The following CLEC4F variants were observed in gnomAD, a reference collection of about 807,000 sequenced individuals.
CLEC4F encodes C-type lectin domain family 4 member F, also known as C-type (calcium dependent, carbohydrate-recognition domain) lectin, superfamily member 13.
Under a neutral mutation model 53.4 loss-of-function variants are expected in CLEC4F, and 45 were observed. The observed-to-expected ratio is 0.84, with a 90% CI of 0.66 to 1.08. CLEC4F has a LOEUF of 1.08. Among genes scored for constraint, CLEC4F ranks in the 50% least tolerant of loss-of-function variants. The probability of loss-of-function intolerance (pLI) is 0.00; values close to 1 mark genes in which losing one functional copy is unlikely to be tolerated. For missense variants in CLEC4F, 753 were observed against 698.2 expected, an observed-to-expected ratio of 1.08 and a Z score of -0.88; for synonymous variants, 245 against 257.5, an observed-to-expected ratio of 0.95 and a Z score of 0.46.
rs1677133433 is a variant in CLEC4F at position 70,819,830 on chromosome 2, G to C, written c.123C>G (p.Thr41=). 1.2e-6 allele frequency: 2 copies of C among 1,609,790 alleles called. No individual in the cohort carries two copies. Among genetic ancestry groups the C allele is most frequent in the East Asian group, 2.2e-5 (1 of 44,826 alleles). Reference sequence around the variant, plus strand: ...CCAAGGTCACAGCCATAAATGCCGGGGTAGCCTGAACGAGCCTCGGTATCT... The same window carrying C: ...CCAAGGTCACAGCCATAAATGCCGGCGTAGCCTGAACGAGCCTCGGTATCT... The part of the protein sequence containing the change: ...APKIPRLVQA[T]PAFMAVTLVF... The change falls in exon 2 of 7, where the codon ACC becomes ACG. Residue 41 remains threonine, a synonymous_variant. Transcript: ENST00000272367.
chr2:70,809,047 C>A lies in CLEC4F; in HGVS notation c.*224G>T. On this transcript the variant is annotated 3_prime_UTR_variant, in exon 7 of 7. Coordinates refer to ENST00000272367, the MANE Select transcript of CLEC4F (RefSeq NM_173535.3). ...GTCTTCAGTCTGCCCATTCTTGTGC[C>A]GCCAGTTGTCAGACTGATTCTTTTC... 6.6e-7 allele frequency: 1 copy of A among 1,517,946 alleles called. No homozygotes were observed. Among genetic ancestry groups the A allele is most frequent in the South Asian group, 1.2e-5 (1 of 83,308 alleles). 94.0% of individuals were successfully genotyped at this position (1,517,946 alleles called of 1,614,324 possible).
In CLEC4F at chr2:70,808,657, C is replaced by T. The variant is rs553068597; in HGVS notation, c.*614G>A. On this transcript the variant is annotated 3_prime_UTR_variant, in exon 7 of 7. Transcript: ENST00000272367. ...CAGCACGAAGCTTTTGTTGATCCAG[C>T]GAGTATTTATTGAGGACCTGCTGTC... The T allele has an allele frequency of 1.9e-4, 34 of 174,506 alleles. No homozygotes were observed. The highest frequency in any genetic ancestry group is 3.6e-4 in the Non-Finnish European group (29 of 81,492). The allele number at this position is 174,506 out of a possible 1,614,324, so 10.8% of individuals were successfully genotyped here.
At chr2:70,815,530 CG>C (rs1676844843) in intron 4 of CLEC4F, among the ~76,000 whole-genome samples, 1 of 152,178 alleles carries the variant, frequency 6.6e-6, no homozygotes, top group Non-Finnish European at 1.5e-5. Context: ...AATAAAGCAT[CG>C]GGTGAGGGCA....
In CLEC4F at chr2:70,819,355, T is replaced by C; in HGVS notation, c.268A>G (p.Asn90Asp). ...ITGHLPFEPN[N>D]HHHFGREAEM... Reference sequence around the variant, plus strand: ...CCCCACCCCCACTGTGGCTACTCACTGTTGGGTTCAAAAGGTAAATGCCCA... The same window carrying C: ...CCCCACCCCCACTGTGGCTACTCACCGTTGGGTTCAAAAGGTAAATGCCCA... Residue 90 changes from asparagine to aspartate, a missense_variant and splice_region_variant, in exon 3 of 7, where the codon AAT (asparagine) becomes GAT (aspartate). Coordinates refer to ENST00000272367, the MANE Select transcript of CLEC4F (RefSeq NM_173535.3). 1 of 1,613,592 alleles carries C rather than the reference T, an allele frequency of 6.2e-7. No individual in the cohort carries two copies. Among genetic ancestry groups the C allele is most frequent in the Non-Finnish European group, 8.5e-7 (1 of 1,179,528 alleles).
In CLEC4F at chr2:70,816,612, A is replaced by G. The variant is rs1676928970; in HGVS notation, c.769T>C (p.Leu257=). 1 of 1,614,026 alleles carries G rather than the reference A, an allele frequency of 6.2e-7. No homozygotes were observed. The highest frequency in any genetic ancestry group is 8.5e-7 in the Non-Finnish European group (1 of 1,180,020). The change falls in exon 4 of 7, where the codon TTG becomes CTG. Residue 257 remains leucine, a synonymous_variant. Coordinates refer to ENST00000272367, the MANE Select transcript of CLEC4F (RefSeq NM_173535.3). ...LKNANAEIYV[L]RGHLDSVNDL... ...TTGACACTATCTAGATGGCCTCTCA[A>G]AACATAGATCTCAGCATTAGCGTTC...
intron 4 of CLEC4F, among the ~76,000 whole-genome samples, chr2:70,813,501 T>G (rs1302976878): frequency 9.1e-6 from 1 of 110,056 alleles, no homozygotes; most frequent in Non-Finnish European, 1.9e-5. Flanking sequence ...TCTTTTTCTT[T>G]CTTTCTTTCT....
At chr2:70,813,543 C>CT (rs1229646398) in intron 4 of CLEC4F, among the ~76,000 whole-genome samples, 2 of 147,634 alleles carry the variant, frequency 1.4e-5, no homozygotes, top group East Asian at 3.9e-4. Flanking sequence ...TTCTTTTTTT[C>CT]TTTCTTTCTT....
chr2:70,820,890 C>A (rs1021609302), upstream of CLEC4F, among the ~76,000 whole-genome samples: 37 of 152,180 alleles, frequency 2.4e-4, no homozygotes, highest in Admixed American at 2.4e-3. Context: ...CAGAAAACAT[C>A]CTTATGACTA....
intron 2 of CLEC4F, 102 bp downstream of exon 2, chr2:70,819,673 T>C (rs1246471210): frequency 2.2e-6 from 2 of 904,380 alleles, no homozygotes; most frequent in Non-Finnish European, 3.5e-6. Flanking sequence ...GAATGATCTT[T>C]CTGGGAGCAG....
intron 4 of CLEC4F, among the ~76,000 whole-genome samples, chr2:70,813,599 C>CTTTT (rs1676713805): frequency 1.9e-5 from 2 of 104,978 alleles, no homozygotes; most frequent in Non-Finnish European, 1.9e-5. Flanking sequence ...CTTTCTTTCT[C>CTTTT]TTTCTTTCTT....
intron 4 of CLEC4F, among the ~76,000 whole-genome samples, chr2:70,813,013 G>T (rs1558611652): frequency 1.4e-5 from 2 of 144,628 alleles, no homozygotes; most frequent in African/African-American, 4.9e-5. Context: ...CACACCCATG[G>T]CCATCCTGGG....
chr2:70,824,299 T>A (rs1677294200), upstream of CLEC4F, among the ~76,000 whole-genome samples: 1 of 86,464 alleles, frequency 1.2e-5, no homozygotes, highest in Non-Finnish European at 2.7e-5. Flanking sequence ...CTGGCTTTTA[T>A]TCCGTTCGTC....
Position 70,809,855 on chromosome 2 carries a change from T to A in CLEC4F, c.1542A>T (p.Ala514=), listed in dbSNP as rs782318976. ...CTTTACTTGTGAACTCTACCAGAAA[T>A]GCCTGCAGAGAAAAGGCAGTGTCAG... ...LASVASKEEQ[A]FLVEFTSKVY... is the part of the protein sequence containing the mutation. The change falls in exon 6 of 7, where the codon GCA becomes GCT. Residue 514 remains alanine, a splice_region_variant and synonymous_variant. Transcript: ENST00000272367. 6.2e-7 allele frequency: 1 copy of A among 1,609,926 alleles called. No homozygotes were observed. Among genetic ancestry groups the A allele is most frequent in the African/African-American group, 1.3e-5 (1 of 74,988 alleles).
upstream of CLEC4F, among the ~76,000 whole-genome samples, chr2:70,823,962 G>A (rs1042569266): frequency 2.0e-5 from 3 of 150,990 alleles, no homozygotes; most frequent in Admixed American, 6.6e-5. Flanking sequence ...CCTGGGAGGC[G>A]GAGGTGGCAG....
At position 70,816,298 on chromosome 2, in the gene CLEC4F, T is replaced by C. The variant is rs114477809; in HGVS notation, c.1083A>G (p.Val361=). 252 of 1,614,268 alleles carry C rather than the reference T, an allele frequency of 1.6e-4. No individual in the cohort carries two copies. Among genetic ancestry groups the C allele is most frequent in the African/African-American group, 8.8e-4 (66 of 75,082 alleles). Residue 361 remains valine (V), a synonymous_variant, in exon 4 of 7, where the codon GTA becomes GTG. Transcript: ENST00000272367. The part of the protein sequence containing the change: ...RLDQTDTQIQ[V]FKSEMENVNT... ...TCACATTTTCCATCTCTGACTTGAA[T>C]ACCTGAATCTGAGTATCTGTCTGGT...
Position 70,816,075 on chromosome 2 carries a change from TG to T in CLEC4F, c.1305del (p.Met436TrpfsTer10). On this transcript the variant is annotated frameshift_variant, in exon 4 of 7. Transcript: ENST00000272367. LOFTEE classifies it high-confidence loss of function. ...RGDLENTKAL[T>X]MEIQQEQSRL... Reference sequence around the variant, plus strand: ...CGACTCTGCTCCTGCTGGATTTCCATGGTTAGAGCTTTGGTGTTCTCTAGAT... The same window carrying T: ...CGACTCTGCTCCTGCTGGATTTCCATGTTAGAGCTTTGGTGTTCTCTAGAT... 1 of 1,614,230 alleles carries T rather than the reference TG, an allele frequency of 6.2e-7. No individual in the cohort carries two copies. The highest frequency in any genetic ancestry group is 8.5e-7 in the Non-Finnish European group (1 of 1,180,040).
At chr2:70,823,821 G>T (rs970538941), upstream of CLEC4F, among the ~76,000 whole-genome samples, 1 of 152,122 alleles carries the variant, frequency 6.6e-6, no homozygotes, top group Non-Finnish European at 1.5e-5. Context: ...TTGAGGCCAA[G>T]AGTTCAAGAC....
chr2:70,810,618 C>CA (rs58138583), intron 5 of CLEC4F, among the ~76,000 whole-genome samples: 1,071 of 47,756 alleles, frequency 0.022, 36 homozygotes, highest in Non-Finnish European at 0.027. Flanking sequence ...AACTCTGTCG[C>CA]AAAAAAAAAA....
chr2:70,818,079 T>C (rs556065787), intron 3 of CLEC4F, among the ~76,000 whole-genome samples: 10 of 152,302 alleles, frequency 6.6e-5, no homozygotes, highest in Admixed American at 1.3e-4. Context: ...AAACCCAAGA[T>C]GGCAGGGACC....
Sources: gnomAD v4.1 joint callset for allele counts (sites outside exome capture counted in the v4.1 genomes callset) on GRCh38, gnomAD v4.1.1 for gene constraint, MANE v1.5 for transcripts, NCBI Gene and HGNC (gene_info 2026-07-23, HGNC 2026-07-21) for gene names.